Variants in LRRC40 observed in about 807,000 individuals in gnomAD.
LRRC40 encodes the protein leucine rich repeat containing 40, also known as leucine-rich repeat-containing protein 40.
In LRRC40, 76 loss-of-function variants were observed where a neutral mutation model predicts 72.8. The observed-to-expected ratio is 1.04, with a 90% CI of 0.87 to 1.26. LRRC40 has a LOEUF of 1.26. Among genes scored for constraint, LRRC40 ranks in the 50% most tolerant of loss-of-function variants. The pLI is 0.00. For missense variants in LRRC40, 684 were observed against 698.9 expected, an observed-to-expected ratio of 0.98 and a Z score of 0.24; for synonymous variants, 243 against 254.2, an observed-to-expected ratio of 0.96 and a Z score of 0.42.
intron 1 of LRRC40, among the ~76,000 whole-genome samples, chr1:70,191,148 A>G (rs993905969): frequency 6.6e-6 from 1 of 152,120 alleles, no homozygotes; most frequent in South Asian, 2.1e-4. Context: ...ACAATGTGCC[A>G]TATAGTATGA....
intron 1 of LRRC40, among the ~76,000 whole-genome samples, chr1:70,191,724 A>G (rs1303045503): frequency 6.6e-6 from 1 of 152,192 alleles, no homozygotes; most frequent in Non-Finnish European, 1.5e-5. Context: ...AATTATTAAG[A>G]AATTCTGTGG....
At chr1:70,159,982 T>C (rs1667721864) in intron 9 of LRRC40, among the ~76,000 whole-genome samples, 1 of 152,216 alleles carries the variant, frequency 6.6e-6, no homozygotes. Context: ...TTTTTATAGA[T>C]ATTTTCCTAA....
At chr1:70,147,913 G>GA (rs924136076) in intron 14 of LRRC40, 1 of 152,014 alleles carries the variant, frequency 6.6e-6, no homozygotes, top group Non-Finnish European at 1.5e-5. Context: ...CTTTTCCAAA[G>GA]AAAGACCCAA....
At chr1:70,173,420 A>G (rs1668038593) in intron 9 of LRRC40, 45 bp downstream of exon 9, 1 of 1,376,376 alleles carries the variant, frequency 7.3e-7, no homozygotes, top group Admixed American at 1.8e-5. Context: ...ATTCTTCACC[A>G]CTTTTTATGA....
At chr1:70,198,678 T>C (rs182221902) in intron 1 of LRRC40, among the ~76,000 whole-genome samples, 1 of 152,286 alleles carries the variant, frequency 6.6e-6, no homozygotes, top group Admixed American at 6.5e-5. Context: ...CTCAGAATGA[T>C]TACTTAAAAA....
intron 1 of LRRC40, among the ~76,000 whole-genome samples, chr1:70,197,593 CTT>C (rs78897360): frequency 2.0e-4 from 27 of 136,994 alleles, no homozygotes; most frequent in Non-Finnish European, 2.8e-4. Flanking sequence ...CAACCCCCGG[CTT>C]TTTTTTTTTT....
At position 70,205,467 on chromosome 1, in the gene LRRC40, G is replaced by A. The variant is rs773622048; in HGVS notation, c.74C>T (p.Thr25Ile). 25 of 1,610,184 alleles carry A rather than the reference G, an allele frequency of 1.6e-5. No homozygotes were observed. Among genetic ancestry groups the A allele is most frequent in the Admixed American group, 3.3e-5 (2 of 59,940 alleles). Residue 25 changes from threonine to isoleucine, a missense_variant, in exon 1 of 15, where the codon ACC becomes ATC. Physicochemically the swap from Thr to Ile is moderately conservative, Grantham distance 89 (BLOSUM62 -1). Coordinates refer to ENST00000370952, the MANE Select transcript of LRRC40 (RefSeq NM_017768.5). ...GFKAGGRDCGTSVPQGLLKAA... is the reference protein window; with the variant it reads ...GFKAGGRDCGISVPQGLLKAA... ...CTTCAACAGCCCTTGGGGTACCGAG[G>A]TACCGCAGTCTCTTCCACCTGCTTT... is the stretch of plus-strand genomic sequence containing the variant.
intron 7 of LRRC40, among the ~76,000 whole-genome samples, chr1:70,175,507 CT>C (rs1300240388): frequency 6.6e-6 from 1 of 152,022 alleles, no homozygotes; most frequent in East Asian, 1.9e-4. Context: ...TTCCAGCGTT[CT>C]TAGAATTTAG....
intron 4 of LRRC40, among the ~76,000 whole-genome samples, chr1:70,184,187 T>C (rs1484655568): frequency 3.3e-5 from 5 of 152,042 alleles, no homozygotes; most frequent in Non-Finnish European, 7.4e-5. Flanking sequence ...AGGTGGAGGT[T>C]GCAGTGAGCG....
At chr1:70,145,952 A>G in intron 14 of LRRC40, 47 bp from the exon 15 acceptor site, 1 of 895,828 alleles carries the variant, frequency 1.1e-6, no homozygotes. Flanking sequence ...TCCATTAACA[A>G]GGTTTTTCAT....
At chr1:70,160,362 CAAT>C (rs1667729674) in intron 9 of LRRC40, among the ~76,000 whole-genome samples, 1 of 152,040 alleles carries the variant, frequency 6.6e-6, no homozygotes, top group Non-Finnish European at 1.5e-5. Flanking sequence ...ATTCATTAGT[CAAT>C]AATGATTAAG....
At chr1:70,196,620 A>G (rs1445675134) in intron 1 of LRRC40, among the ~76,000 whole-genome samples, 1 of 152,174 alleles carries the variant, frequency 6.6e-6, no homozygotes, top group Non-Finnish European at 1.5e-5. Flanking sequence ...TCTAAACAAA[A>G]GAAGCCCTAA....
At chr1:70,194,211 A>G (rs1267923509) in intron 1 of LRRC40, among the ~76,000 whole-genome samples, 1 of 152,098 alleles carries the variant, frequency 6.6e-6, no homozygotes, top group Non-Finnish European at 1.5e-5. Context: ...AGGAATCTAC[A>G]AAAAAATTAT....
chr1:70,192,406 C>T (rs951204616), intron 1 of LRRC40, among the ~76,000 whole-genome samples: 4 of 151,968 alleles, frequency 2.6e-5, no homozygotes, highest in African/African-American at 7.2e-5. Flanking sequence ...AGCAGGATGG[C>T]GATTCCTCAA....
chr1:70,189,466 T>C (rs1219692431), intron 1 of LRRC40, among the ~76,000 whole-genome samples, 193 bp from the exon 2 acceptor site: 7 of 152,188 alleles, frequency 4.6e-5, no homozygotes, highest in Non-Finnish European at 8.8e-5. Flanking sequence ...AAAAAGGCTA[T>C]ATATCAATAA....
chr1:70,169,842 C>A (rs1667963772), intron 9 of LRRC40, among the ~76,000 whole-genome samples: 1 of 152,000 alleles, frequency 6.6e-6, no homozygotes, highest in African/African-American at 2.4e-5. Context: ...TGAATTCTAC[C>A]AAACATTCAA....
chr1:70,161,628 T>C lies in LRRC40; in HGVS notation c.1112-2190A>G, dbSNP rs1426976857. Among the ~76,000 whole-genome samples, 6 of 152,194 alleles carry C rather than the reference T, an allele frequency of 3.9e-5. No individual in the cohort carries two copies. The East Asian group carries it at 9.7e-4, about 25-fold the overall frequency. ...AGTTTGGAGGGCATGATGGGTGATT[T>C]AGTTGAACGAGTGTCACCTAGAACG... On this transcript the variant is annotated intron_variant, in intron 9 of 14. Transcript: ENST00000370952.
rs377219130 is a variant in LRRC40 at position 70,145,773 on chromosome 1, T to A, written c.*27A>T. ...AGAATTAACCAGGGTTAATAATACATGACAAGGGTTATAAAGCAACTCCAT... is the reference window on the plus strand; with the variant it reads ...AGAATTAACCAGGGTTAATAATACAAGACAAGGGTTATAAAGCAACTCCAT... On this transcript the variant is annotated 3_prime_UTR_variant, in exon 15 of 15. Coordinates refer to ENST00000370952, the MANE Select transcript of LRRC40 (RefSeq NM_017768.5). 4 of 1,190,654 alleles carry A rather than the reference T, an allele frequency of 3.4e-6. No individual in the cohort carries two copies. In the African/African-American group the frequency reaches 6.0e-5, roughly 18 times the overall value. 73.8% of individuals were successfully genotyped at this position (1,190,654 alleles called of 1,614,324 possible).
At chr1:70,163,574 T>C (rs981055468) in intron 9 of LRRC40, among the ~76,000 whole-genome samples, 1 of 152,182 alleles carries the variant, frequency 6.6e-6, no homozygotes, top group Admixed American at 6.5e-5. Flanking sequence ...TGTGATTATA[T>C]TGGGCCAACA....
Sources: gnomAD v4.1 joint callset for allele counts (sites outside exome capture counted in the v4.1 genomes callset) on GRCh38, gnomAD v4.1.1 for gene constraint, MANE v1.5 for transcripts, NCBI Gene and HGNC (gene_info 2026-07-23, HGNC 2026-07-21) for gene names.